RASEF: variants seen among roughly 807,000 people sequenced by gnomAD.
The protein encoded by RASEF is RAS and EF-hand domain containing.
A neutral mutation model predicts 90.1 loss-of-function variants in RASEF; 68 were observed. The ratio of observed to expected loss-of-function variants is 0.75; its 90% CI spans 0.62 to 0.92. RASEF has a LOEUF of 0.92. Among genes scored for constraint, RASEF ranks in the 40% least tolerant of loss-of-function variants. The pLI, the probability that RASEF is intolerant of heterozygous loss-of-function variation, is 0.00. For synonymous variants in RASEF, 331 were observed against 345.2 expected (o/e 0.96, Z 0.46); for missense variants, 949 against 937.2 (o/e 1.01, Z -0.16).
chr9:83,048,188 G>C (rs1018795202), intron 1 of RASEF: 1 of 985,258 alleles, frequency 1.0e-6, no homozygotes, highest in Non-Finnish European at 1.2e-6. Flanking sequence ...TAGTAAGAGC[G>C]GAAGGAGCTT....
chr9:83,068,969 G>C, the RASEF span, among the ~76,000 whole-genome samples: 1 of 152,128 alleles, frequency 6.6e-6, no homozygotes, highest in Non-Finnish European at 1.5e-5. Flanking sequence ...TTGTAAACAT[G>C]CCATTTAATA....
intron 12 of RASEF, 152 bp from the exon 13 acceptor site, chr9:82,998,598 A>G (rs1437783316): frequency 5.2e-6 from 3 of 577,948 alleles, no homozygotes; most frequent in South Asian, 2.1e-5. Flanking sequence ...GTGACCTTCA[A>G]ATAGGAATGA....
At chr9:83,079,076 T>C in the RASEF span, among the ~76,000 whole-genome samples, 1 of 152,208 alleles carries the variant, frequency 6.6e-6, no homozygotes, top group African/African-American at 2.4e-5. Context: ...ATTTGTCAAT[T>C]TTTGCTTTTG....
the RASEF span, among the ~76,000 whole-genome samples, chr9:83,167,241 A>C: frequency 6.8e-6 from 1 of 146,210 alleles, no homozygotes; most frequent in African/African-American, 2.7e-5. Context: ...TAACCTCAGA[A>C]AAAAAAAAAT....
At chr9:83,016,740 C>T (rs1829348976) in intron 3 of RASEF, among the ~76,000 whole-genome samples, 1 of 152,086 alleles carries the variant, frequency 6.6e-6, no homozygotes, top group South Asian at 2.1e-4. Context: ...GGAGATGTGA[C>T]AGGAAGTCAG....
At chr9:83,030,683 G>C (rs995845367) in intron 1 of RASEF, among the ~76,000 whole-genome samples, 2 of 152,182 alleles carry the variant, frequency 1.3e-5, no homozygotes, top group African/African-American at 4.8e-5. Context: ...TTGCATTACA[G>C]GGCACACAGG....
intron 14 of RASEF, among the ~76,000 whole-genome samples, chr9:82,994,959 C>T (rs1332494272): frequency 6.6e-6 from 1 of 152,180 alleles, no homozygotes; most frequent in Non-Finnish European, 1.5e-5. Context: ...TAAACTGTCC[C>T]TGTAGGAGTT....
the RASEF span, among the ~76,000 whole-genome samples, chr9:83,145,883 C>T: frequency 2.0e-5 from 3 of 152,010 alleles, no homozygotes; most frequent in African/African-American, 7.2e-5. Context: ...TCCTACTTTC[C>T]ATTAAGTAAT....
the RASEF span, among the ~76,000 whole-genome samples, chr9:83,129,035 T>C: frequency 6.6e-6 from 1 of 152,306 alleles, no homozygotes; most frequent in Middle Eastern, 3.4e-3. Context: ...TCAGTTATCT[T>C]TAAACAAAAA....
intron 14 of RASEF, among the ~76,000 whole-genome samples, chr9:82,996,314 T>C (rs1828918035): frequency 6.6e-6 from 1 of 152,220 alleles, no homozygotes; most frequent in East Asian, 1.9e-4. Flanking sequence ...TGCTGAACCA[T>C]AGCTGGAACT....
At chr9:83,179,412 G>A in the RASEF span, among the ~76,000 whole-genome samples, 1 of 152,064 alleles carries the variant, frequency 6.6e-6, no homozygotes, top group African/African-American at 2.4e-5. Context: ...TCAAGCATCA[G>A]GCTGTTTCCT....
intron 1 of RASEF, chr9:83,055,433 C>A (rs531061329): frequency 1.1e-5 from 7 of 614,552 alleles, no homozygotes; most frequent in Admixed American, 2.3e-5. Context: ...CACTGGCCTG[C>A]GCCCACTGTC....
the RASEF span, among the ~76,000 whole-genome samples, chr9:83,209,963 TTA>T: frequency 6.6e-5 from 10 of 152,298 alleles, no homozygotes; most frequent in Admixed American, 2.6e-4. Flanking sequence ...AGTTATAATC[TTA>T]TACACATAAT....
the RASEF span, among the ~76,000 whole-genome samples, chr9:83,184,955 G>A: frequency 2.6e-5 from 4 of 152,114 alleles, no homozygotes; most frequent in African/African-American, 4.8e-5. Flanking sequence ...CTGGGAATGT[G>A]TTAGAAAGGC....
rs896751806 is a variant in RASEF, at chr9:83,048,089, G to C, written c.431+14348C>G. ...AAAGCAGAGGCTCTTACTGGCCGTAGACTCCACATCACTGGGTCAGCATTA... is the reference window on the plus strand; with the variant it reads ...AAAGCAGAGGCTCTTACTGGCCGTACACTCCACATCACTGGGTCAGCATTA... On this transcript the variant is annotated intron_variant, in intron 1 of 16. Coordinates refer to ENST00000376447, the MANE Select transcript of RASEF (RefSeq NM_152573.4). The C allele has an allele frequency of 3.1e-6, 3 of 983,288 alleles. No homozygotes were observed. The African/African-American group carries it at 5.2e-5, about 17-fold the overall frequency. The allele number at this position is 983,288 out of a possible 1,614,324, so 60.9% of individuals were successfully genotyped here.
the RASEF span, among the ~76,000 whole-genome samples, chr9:83,216,950 C>T: frequency 1.3e-5 from 2 of 152,204 alleles, no homozygotes; most frequent in African/African-American, 4.8e-5. Flanking sequence ...TCAACACCAG[C>T]TGTGAAAGCA....
At chr9:83,070,689 G>A in the RASEF span, among the ~76,000 whole-genome samples, 3 of 152,078 alleles carry the variant, frequency 2.0e-5, no homozygotes, top group Admixed American at 6.5e-5. Flanking sequence ...TAGATATCAT[G>A]ATTGTGTTGA....
chr9:83,004,252 G>T (rs1043924064), intron 9 of RASEF, among the ~76,000 whole-genome samples: 1 of 152,150 alleles, frequency 6.6e-6, no homozygotes, highest in African/African-American at 2.4e-5. Context: ...AACAAGACAT[G>T]ATTAGAGATG....
At chr9:83,091,154 C>T in the RASEF span, among the ~76,000 whole-genome samples, 4 of 152,306 alleles carry the variant, frequency 2.6e-5, no homozygotes, top group East Asian at 7.7e-4. Flanking sequence ...ATCAACCAGT[C>T]ATGAGTGTTT....
Sources: allele counts gnomAD v4.1 joint callset (sites outside exome capture counted in the v4.1 genomes callset), GRCh38; gene constraint gnomAD v4.1.1; transcripts MANE v1.5; gene names NCBI Gene and HGNC (gene_info 2026-07-23, HGNC 2026-07-21).